The following BMPR1A variants were observed in gnomAD, a reference collection of about 807,000 sequenced individuals.
BMPR1A encodes bone morphogenetic protein receptor type-1A.
BMPR1A carries 7 observed loss-of-function variants against 66.0 expected under a neutral mutation model. The ratio of observed to expected loss-of-function variants is 0.11; its 90% confidence interval spans 0.06 to 0.20. The LOEUF is 0.20. BMPR1A is among the 10% of genes least tolerant of loss of function. The pLI, the probability that BMPR1A is intolerant of heterozygous loss-of-function variation, is 1.00. For missense variants in BMPR1A, 408 were observed against 669.1 expected, an observed-to-expected ratio of 0.61 and a Z score of 4.31; for synonymous variants, 200 against 229.7, an observed-to-expected ratio of 0.87 and a Z score of 1.17.
At chr10:86,835,795 A>G (rs1001269025) in intron 1 of BMPR1A, among the ~76,000 whole-genome samples, 6 of 152,056 alleles carry the variant, frequency 3.9e-5, no homozygotes, top group Admixed American at 2.0e-4. Context: ...CATTTTAATA[A>G]TTTTGAAAAC....
At chr10:86,923,266 C>A in intron 11 of BMPR1A, 110 bp from the exon 12 acceptor site, 1 of 1,444,762 alleles carries the variant, frequency 6.9e-7, no homozygotes. Context: ...TATATTTTTT[C>A]TTGTGTAAGA....
At chr10:86,920,069 A>G (rs370681824) in intron 10 of BMPR1A, among the ~76,000 whole-genome samples, 1 of 152,152 alleles carries the variant, frequency 6.6e-6, no homozygotes, top group Admixed American at 6.6e-5. Context: ...ATGTGGAGGT[A>G]CTGTAGTTTA....
intron 1 of BMPR1A, among the ~76,000 whole-genome samples, chr10:86,811,164 G>A (rs948553234): frequency 2.0e-5 from 3 of 151,824 alleles, no homozygotes; most frequent in Admixed American, 2.0e-4. Flanking sequence ...TCAGCCTCCC[G>A]AGTAGCTGGG....
chr10:86,866,565 C>T (rs1033870762), intron 2 of BMPR1A, among the ~76,000 whole-genome samples: 5 of 151,574 alleles, frequency 3.3e-5, no homozygotes, highest in Non-Finnish European at 7.4e-5. Context: ...CCTGCCACCA[C>T]GCCTGGCTAA....
chr10:86,917,382 G>A, intron 9 of BMPR1A, 56 bp downstream of exon 9: 1 of 1,593,344 alleles, frequency 6.3e-7, no homozygotes, highest in South Asian at 1.1e-5. Context: ...TGAGGTACAG[G>A]TGGAAGCCTC....
Position 86,883,088 on chromosome 10 carries a change from T to C in BMPR1A, c.68-6974T>C, listed in dbSNP as rs11202245. Among the ~76,000 whole-genome samples the C allele has an allele frequency of 3.9e-5, 6 of 152,304 alleles. No homozygotes were observed. The East Asian group carries it at 9.6e-4, about 24-fold the overall frequency. ...AACTTGTCACTCAGTTTTGACAGTA[T>C]CAACTGATGACCAAGGCTGTTTCCT... On this transcript the variant is annotated intron_variant, in intron 3 of 12. Transcript: ENST00000372037.
chr10:86,862,461 C>T (rs537735053), intron 2 of BMPR1A, among the ~76,000 whole-genome samples: 2 of 152,140 alleles, frequency 1.3e-5, no homozygotes, highest in East Asian at 3.9e-4. Flanking sequence ...GTTGGAGCAC[C>T]GTTGGAGGGA....
At chr10:86,800,872 T>C (rs1265272020) in intron 1 of BMPR1A, among the ~76,000 whole-genome samples, 2 of 152,164 alleles carry the variant, frequency 1.3e-5, no homozygotes, top group Admixed American at 1.3e-4. Flanking sequence ...ATTCAGACAT[T>C]GAAAGGGATT....
intron 5 of BMPR1A, among the ~76,000 whole-genome samples, chr10:86,892,681 G>T (rs1272054231): frequency 6.6e-6 from 1 of 151,826 alleles, no homozygotes; most frequent in East Asian, 1.9e-4. Flanking sequence ...TGCCCGCATC[G>T]GCCCGCAAAG....
intron 2 of BMPR1A, chr10:86,855,357 C>A: frequency 1.2e-6 from 1 of 846,602 alleles, no homozygotes; most frequent in Non-Finnish European, 1.8e-6. Flanking sequence ...CAGGACACAC[C>A]TGCACTGAAC....
At chr10:86,893,511 C>T (rs972427870) in intron 5 of BMPR1A, among the ~76,000 whole-genome samples, 4 of 151,964 alleles carry the variant, frequency 2.6e-5, no homozygotes, top group African/African-American at 7.3e-5. Flanking sequence ...GGATGGAGGC[C>T]GGGCGCGGTG....
At chr10:86,855,538 T>G (rs1842629059) in intron 2 of BMPR1A, 2 of 441,222 alleles carry the variant, frequency 4.5e-6, no homozygotes, top group Non-Finnish European at 8.1e-6. Context: ...GTATTTCTAT[T>G]TTTTGAAAAT....
intron 11 of BMPR1A, 131 bp from the exon 12 acceptor site, chr10:86,923,245 A>C (rs910312700): frequency 4.4e-5 from 50 of 1,125,892 alleles, no homozygotes; most frequent in Non-Finnish European, 6.3e-5. Context: ...TTAAGAGTGA[A>C]TCATAGTGTC....
chr10:86,895,413 C>G (rs534831495), intron 5 of BMPR1A, among the ~76,000 whole-genome samples: 1 of 152,074 alleles, frequency 6.6e-6, no homozygotes, highest in African/African-American at 2.4e-5. Context: ...TGGTGCGTGC[C>G]TTTAATCCCA....
At chr10:86,801,980 C>G (rs1277661435) in intron 1 of BMPR1A, among the ~76,000 whole-genome samples, 1 of 152,142 alleles carries the variant, frequency 6.6e-6, no homozygotes, top group Non-Finnish European at 1.5e-5. Context: ...TTCCAAAGTG[C>G]TGGGATTACA....
intron 7 of BMPR1A, 22 bp downstream of exon 7, chr10:86,900,148 A>G (rs749736191): frequency 1.2e-6 from 2 of 1,607,656 alleles, no homozygotes; most frequent in East Asian, 4.5e-5. Flanking sequence ...TTTATTTTGA[A>G]GCAAAATATT....
rs1489171552 is a variant in BMPR1A at position 86,805,977 on chromosome 10, G to A, written c.-267-32888G>A. On this transcript the variant is annotated intron_variant, in intron 1 of 12. Coordinates refer to ENST00000372037, the MANE Select transcript of BMPR1A (RefSeq NM_004329.3). ...GTCACATATTGCATTTGGTTGTCCT[G>A]CCTCTTTAATCTCCTTCTCTCTGAA... is the stretch of plus-strand genomic sequence containing the variant. Among the ~76,000 whole-genome samples the A allele has an allele frequency of 2.0e-5, 3 of 148,988 alleles. No homozygotes were observed. The South Asian group carries it at 6.3e-4, about 31-fold the overall frequency.
intron 1 of BMPR1A, among the ~76,000 whole-genome samples, chr10:86,785,597 C>T (rs1049783425): frequency 2.0e-5 from 3 of 152,186 alleles, no homozygotes; most frequent in South Asian, 2.1e-4. Context: ...CCACTGCGCC[C>T]GGCCGGGTAT....
intron 2 of BMPR1A, among the ~76,000 whole-genome samples, chr10:86,860,007 T>C (rs947699803): frequency 7.9e-5 from 12 of 152,056 alleles, no homozygotes; most frequent in Non-Finnish European, 1.6e-4. Flanking sequence ...TTGGAAATGA[T>C]CTAAAATGTC....
Sources: allele counts gnomAD v4.1 joint callset (sites outside exome capture counted in the v4.1 genomes callset), GRCh38; gene constraint gnomAD v4.1.1; transcripts MANE v1.5; gene names NCBI Gene and HGNC (gene_info 2026-07-23, HGNC 2026-07-21).